The following ERG variants were observed in gnomAD, a reference collection of about 807,000 sequenced individuals.
ERG encodes the protein ETS transcription factor ERG, also known as transcriptional regulator ERG.
In ERG, 9 loss-of-function variants were observed where a neutral mutation model predicts 55.3. That is an observed-to-expected ratio of 0.16 (90% CI 0.10 to 0.28). ERG has a LOEUF of 0.28. Ranked by LOEUF, ERG falls within the 10% of genes least tolerant of loss-of-function variation. The probability of loss-of-function intolerance (pLI) is 1.00; values close to 1 mark genes in which losing one functional copy is unlikely to be tolerated. For synonymous variants in ERG, 223 were observed against 237.3 expected (o/e 0.94, Z 0.55); for missense variants, 434 against 631.6 (o/e 0.69, Z 3.35).
intron 3 of ERG, among the ~76,000 whole-genome samples, chr21:38,411,040 T>G (rs1425675124): frequency 6.6e-6 from 1 of 152,166 alleles, no homozygotes; most frequent in Non-Finnish European, 1.5e-5. Context: ...AAGACACTCA[T>G]AAGCCTGCAA....
intron 1 of ERG, among the ~76,000 whole-genome samples, chr21:38,629,076 T>C (rs2060341937): frequency 6.6e-6 from 1 of 152,204 alleles, no homozygotes; most frequent in African/African-American, 2.4e-5. Flanking sequence ...CAGACTGTAC[T>C]ATTTACAGAG....
At chr21:38,634,219 C>T (rs1434509801) in intron 1 of ERG, among the ~76,000 whole-genome samples, 1 of 152,108 alleles carries the variant, frequency 6.6e-6, no homozygotes, top group Admixed American at 6.6e-5. Flanking sequence ...ATTATTCAGC[C>T]ACTATTCACT....
At chr21:38,637,141 T>C (rs1337802019) in intron 1 of ERG, among the ~76,000 whole-genome samples, 1 of 152,204 alleles carries the variant, frequency 6.6e-6, no homozygotes, top group Non-Finnish European at 1.5e-5. Context: ...CTTTGCTTTC[T>C]AGTCAGTGTA....
intron 1 of ERG, among the ~76,000 whole-genome samples, chr21:38,627,716 G>A (rs968945250): frequency 6.6e-6 from 1 of 152,164 alleles, no homozygotes; most frequent in Non-Finnish European, 1.5e-5. Context: ...GGTAGGAAAC[G>A]AGTTTTGTCC....
intron 2 of ERG, among the ~76,000 whole-genome samples, chr21:38,550,027 A>C (rs184534708): frequency 3.3e-5 from 5 of 152,258 alleles, no homozygotes; most frequent in African/African-American, 1.2e-4. Flanking sequence ...CCCCTTCCTC[A>C]TTGGTCAGAG....
chr21:38,388,891 T>G (rs1024240932), intron 9 of ERG, among the ~76,000 whole-genome samples: 1 of 152,180 alleles, frequency 6.6e-6, no homozygotes, highest in African/African-American at 2.4e-5. Flanking sequence ...GCTGGCACTT[T>G]GCTTAGGAGC....
At position 38,560,296 on chromosome 21, in the gene ERG, T is replaced by C. The variant is rs182105508; in HGVS notation, c.-41+15366A>G. 6.7e-3 allele frequency among the ~76,000 whole-genome samples: 1,013 copies of C among 152,126 alleles called. 7 individuals are homozygous for C. Among genetic ancestry groups the C allele is most frequent in the Non-Finnish European group, 0.01 (680 of 67,968 alleles). ...ACAGATGCTATGGCAGCCCCAGAGG[T>C]GTCCCACTAGGATCTCCCTTCAAGA... On this transcript the variant is annotated intron_variant, in intron 2 of 8. Coordinates refer to the ERG transcript ENST00000398897.
chr21:38,423,845 G>A (rs1989671601), intron 2 of ERG, among the ~76,000 whole-genome samples: 1 of 152,062 alleles, frequency 6.6e-6, no homozygotes, highest in African/African-American at 2.4e-5. Context: ...AATTAGCTGG[G>A]CATGCCTGTA....
intron 1 of ERG, chr21:38,660,726 C>A (rs1271599842): frequency 6.6e-6 from 1 of 151,902 alleles, no homozygotes; most frequent in Non-Finnish European, 1.5e-5. Flanking sequence ...CGGAGCAGGG[C>A]GGCCGCCCCG....
At chr21:38,430,751 C>T (rs1990165142) in intron 2 of ERG, among the ~76,000 whole-genome samples, 1 of 152,182 alleles carries the variant, frequency 6.6e-6, no homozygotes, top group Non-Finnish European at 1.5e-5. Context: ...CCTAGCAACA[C>T]CCTTGGGGCC....
intron 3 of ERG, among the ~76,000 whole-genome samples, chr21:38,417,520 G>A (rs1989330863): frequency 6.6e-6 from 1 of 152,224 alleles, no homozygotes; most frequent in Non-Finnish European, 1.5e-5. Context: ...CAGGCCCGGT[G>A]GCTCACGCCT....
chr21:38,626,213 T>C (rs1202656806), intron 1 of ERG, among the ~76,000 whole-genome samples: 1 of 152,144 alleles, frequency 6.6e-6, no homozygotes, highest in Non-Finnish European at 1.5e-5. Flanking sequence ...TGAGCCACGT[T>C]TGGCCAACAC....
chr21:38,579,536 G>A (rs1238966545), intron 1 of ERG, among the ~76,000 whole-genome samples: 2 of 152,172 alleles, frequency 1.3e-5, no homozygotes, highest in East Asian at 3.9e-4. Context: ...TGCCACCAAG[G>A]AGCCTTGATG....
intron 3 of ERG, among the ~76,000 whole-genome samples, chr21:38,421,065 GT>G (rs1989520055): frequency 6.6e-6 from 1 of 152,064 alleles, no homozygotes; most frequent in South Asian, 2.1e-4. Flanking sequence ...TAGCCTTCGA[GT>G]TTTTCTTATG....
Position 38,611,162 on chromosome 21 carries a change from C to T in ERG, c.-149-26217G>A, listed in dbSNP as rs185341022. Among the ~76,000 whole-genome samples, 6 of 152,216 alleles carry T rather than the reference C, an allele frequency of 3.9e-5. 1 individual carries two copies. The highest frequency in any genetic ancestry group is 1.4e-4 in the African/African-American group (6 of 41,510). On this transcript the variant is annotated intron_variant, in intron 1 of 10. Transcript: ENST00000398910. ...AATAACACGCATGCCCTCATCACCG[C>T]CCACCTCCCCACCTCCACTGCAACG...
chr21:38,478,236 G>A (rs566725437), intron 1 of ERG, among the ~76,000 whole-genome samples: 51 of 152,334 alleles, frequency 3.3e-4, no homozygotes, highest in African/African-American at 1.2e-3. Context: ...CCTGGCAACA[G>A]GTCTTGTTTT....
intron 1 of ERG, among the ~76,000 whole-genome samples, chr21:38,583,470 T>C (rs923117425): frequency 2.1e-5 from 3 of 142,682 alleles, no homozygotes; most frequent in Non-Finnish European, 4.7e-5. Flanking sequence ...GAAGACAGCA[T>C]GAGAAACTGA....
chr21:38,660,042 GGACC>G (rs1568978541), intron 1 of ERG, among the ~76,000 whole-genome samples: 1 of 151,912 alleles, frequency 6.6e-6, no homozygotes, highest in African/African-American at 2.4e-5. Context: ...GAAAGGAAAG[GGACC>G]GCTCCTGGCG....
intron 2 of ERG, among the ~76,000 whole-genome samples, chr21:38,507,221 C>T (rs2059469092): frequency 6.6e-6 from 1 of 152,176 alleles, no homozygotes; most frequent in Non-Finnish European, 1.5e-5. Context: ...GGTCCACTGG[C>T]GCGCGCTGGA....
Sources: gnomAD v4.1 joint callset for allele counts (sites outside exome capture counted in the v4.1 genomes callset) on GRCh38, gnomAD v4.1.1 for gene constraint, MANE v1.5 for transcripts, NCBI Gene and HGNC (gene_info 2026-07-23, HGNC 2026-07-21) for gene names.